ATRNL1: variants seen among roughly 807,000 people sequenced by gnomAD.
ATRNL1 encodes attractin-like protein 1.
ATRNL1 carries 95 observed loss-of-function variants against 182.7 expected under a neutral mutation model. The observed-to-expected ratio is 0.52, with a 90% CI of 0.44 to 0.62. The LOEUF (loss-of-function observed/expected upper bound fraction) is 0.62, where lower values mean the gene tolerates loss of function less well. ATRNL1 is among the 20% of genes least tolerant of loss of function. The probability of loss-of-function intolerance (pLI) is 0.00; values close to 1 mark genes in which losing one functional copy is unlikely to be tolerated. For synonymous variants in ATRNL1, 576 were observed against 568.3 expected, an observed-to-expected ratio of 1.01 and a Z score of -0.19; for missense variants, 1,471 against 1,679.5, an observed-to-expected ratio of 0.88 and a Z score of 2.17.
chr10:115,680,160 GT>G (rs1555044251), intron 26 of ATRNL1, among the ~76,000 whole-genome samples: 3 of 152,134 alleles, frequency 2.0e-5, no homozygotes, highest in Admixed American at 6.6e-5. Flanking sequence ...TTCTGGACTA[GT>G]CTAGATAGGC....
chr10:115,467,045 A>G lies in ATRNL1; in HGVS notation c.3418-129A>G, dbSNP rs1394350842. On this transcript the variant is annotated intron_variant, in intron 22 of 28. Transcript: ENST00000355044. ...AAATGTATAAATGGCATCTACATATATTCAGTTGAATATTTACAAAATCTA... is the reference window on the plus strand; with the variant it reads ...AAATGTATAAATGGCATCTACATATGTTCAGTTGAATATTTACAAAATCTA... 8 of 582,714 alleles carry G rather than the reference A, an allele frequency of 1.4e-5. No homozygotes were observed. The African/African-American group carries it at 1.6e-4, about 11-fold the overall frequency. The allele number at this position is 582,714 out of a possible 1,614,324, so 36.1% of individuals were successfully genotyped here.
intron 24 of ATRNL1, among the ~76,000 whole-genome samples, chr10:115,513,929 AT>A (rs1338283565): frequency 4.6e-5 from 7 of 151,924 alleles, no homozygotes; most frequent in Non-Finnish European, 8.8e-5. Flanking sequence ...CTGAGTCTAC[AT>A]TTACTCTTGA....
Position 115,931,263 on chromosome 10 carries a change from AT to A in ATRNL1, c.4019-13393del, listed in dbSNP as rs200431003. Among the ~76,000 whole-genome samples, 929 of 152,308 alleles carry A rather than the reference AT, an allele frequency of 6.1e-3. 7 individuals carry two copies. The highest frequency in any genetic ancestry group is 0.041 in the Middle Eastern group (12 of 294). On this transcript the variant is annotated intron_variant, in intron 28 of 28. Coordinates refer to ENST00000355044, the MANE Select transcript of ATRNL1 (RefSeq NM_207303.4). ...TAAGTAATTTAATTTAGGATTTCGG[AT>A]TAAGAGACTACGAAACTAAATCTGA...
chr10:115,786,948 T>A (rs146218491), intron 27 of ATRNL1, among the ~76,000 whole-genome samples: 1 of 152,322 alleles, frequency 6.6e-6, no homozygotes, highest in East Asian at 1.9e-4. Flanking sequence ...AGTAAAACAT[T>A]GTTTTTAAGT....
chr10:115,495,967 A>G (rs1481475154), intron 24 of ATRNL1, among the ~76,000 whole-genome samples: 9 of 152,204 alleles, frequency 5.9e-5, no homozygotes, highest in Admixed American at 1.3e-4. Context: ...ATCTGTTTAT[A>G]TGTCTCTAAG....
chr10:115,286,199 A>AT lies in ATRNL1; in HGVS notation c.2234-9dup, dbSNP rs782066227. 1.0e-4 allele frequency: 142 copies of AT among 1,372,596 alleles called. 1 individual carries two copies. Among genetic ancestry groups the AT allele is most frequent in the Non-Finnish European group, 1.2e-4 (118 of 982,480 alleles). 85.0% of individuals were successfully genotyped at this position (1,372,596 alleles called of 1,614,324 possible). On this transcript the variant is annotated splice_polypyrimidine_tract_variant and intron_variant, in intron 14 of 28. Coordinates refer to ENST00000355044, the MANE Select transcript of ATRNL1 (RefSeq NM_207303.4). Reference sequence around the variant, plus strand: ...TTTTGGTAATCTAACAATAAGACACATTTTTTTTCTTACTAGCTCATCTTT... The same window carrying AT: ...TTTTGGTAATCTAACAATAAGACACATTTTTTTTTCTTACTAGCTCATCTTT...
intron 26 of ATRNL1, among the ~76,000 whole-genome samples, chr10:115,663,669 A>AT (rs1188791760): frequency 4.9e-4 from 74 of 152,160 alleles, no homozygotes; most frequent in African/African-American, 1.8e-3. Context: ...AATGAGTTCA[A>AT]TGTAGTCATA....
At chr10:115,820,208 A>G (rs1298472628) in intron 27 of ATRNL1, 3 of 152,122 alleles carry the variant, frequency 2.0e-5, no homozygotes, top group Admixed American at 6.6e-5. Context: ...TTGGAACATG[A>G]TATTCATTTT....
intron 28 of ATRNL1, among the ~76,000 whole-genome samples, chr10:115,873,779 T>G (rs185377605): frequency 3.9e-5 from 6 of 152,352 alleles, no homozygotes; most frequent in East Asian, 1.9e-4. Context: ...CAAAGACCAA[T>G]GAGACTGAGA....
At chr10:115,537,344 T>C (rs1263021275) in intron 25 of ATRNL1, among the ~76,000 whole-genome samples, 1 of 152,182 alleles carries the variant, frequency 6.6e-6, no homozygotes, top group Non-Finnish European at 1.5e-5. Context: ...CTTAACATGC[T>C]TTAAATTGAA....
chr10:115,297,727 TTA>T (rs1324052096), intron 15 of ATRNL1, among the ~76,000 whole-genome samples: 1 of 151,902 alleles, frequency 6.6e-6, no homozygotes, highest in Non-Finnish European at 1.5e-5. Flanking sequence ...TATGCAGAGC[TTA>T]TTATTGGCAG....
intron 6 of ATRNL1, among the ~76,000 whole-genome samples, chr10:115,163,283 T>G (rs1490820124): frequency 6.6e-6 from 1 of 151,948 alleles, no homozygotes; most frequent in Non-Finnish European, 1.5e-5. Context: ...TTAGCGTTTT[T>G]AGTTTTTGCT....
intron 28 of ATRNL1, among the ~76,000 whole-genome samples, chr10:115,880,620 T>C (rs1213292423): frequency 2.0e-5 from 3 of 152,042 alleles, no homozygotes; most frequent in Non-Finnish European, 4.4e-5. Context: ...TGAGACTCCA[T>C]CTCAAAGACA....
At chr10:115,361,366 C>T (rs78962749) in intron 19 of ATRNL1, among the ~76,000 whole-genome samples, 3,900 of 151,904 alleles carry the variant, frequency 0.026, 159 homozygotes, top group African/African-American at 0.086. Context: ...CTTATAGTTT[C>T]GGCATTTATC....
At chr10:115,350,334 C>CAAAGAA (rs1856177293) in intron 19 of ATRNL1, among the ~76,000 whole-genome samples, 1 of 29,734 alleles carries the variant, frequency 3.4e-5, no homozygotes, top group African/African-American at 1.8e-4. Flanking sequence ...GACTCTGTCT[C>CAAAGAA]AAAAAAAAAA....
In ATRNL1 at chr10:115,944,893, G is replaced by A; in HGVS notation, c.*114G>A. 9 of 1,244,260 alleles carry A rather than the reference G, an allele frequency of 7.2e-6. No individual in the cohort carries two copies. Among genetic ancestry groups the A allele is most frequent in the Non-Finnish European group, 8.5e-6 (8 of 944,258 alleles). 77.1% of individuals were successfully genotyped at this position (1,244,260 alleles called of 1,614,324 possible). Reference sequence around the variant, plus strand: ...GATCTCTGTATCATCCAGAGCCTGAGTACAGTTTCCTTCCAAATGGACAAT... The same window carrying A: ...GATCTCTGTATCATCCAGAGCCTGAATACAGTTTCCTTCCAAATGGACAAT... On this transcript the variant is annotated 3_prime_UTR_variant, in exon 29 of 29. Transcript: ENST00000355044.
chr10:115,294,709 T>C (rs1316350436), intron 15 of ATRNL1, among the ~76,000 whole-genome samples: 2 of 152,176 alleles, frequency 1.3e-5, no homozygotes, highest in Non-Finnish European at 1.5e-5. Flanking sequence ...ATGGAGTAGG[T>C]TTTGTATGGA....
At chr10:115,816,697 C>A (rs1161509821) in intron 27 of ATRNL1, among the ~76,000 whole-genome samples, 1 of 152,164 alleles carries the variant, frequency 6.6e-6, no homozygotes, top group South Asian at 2.1e-4. Context: ...CGCACTTTAA[C>A]TATTTTCCTA....
intron 10 of ATRNL1, among the ~76,000 whole-genome samples, chr10:115,254,043 C>T (rs1199054029): frequency 6.6e-6 from 1 of 152,152 alleles, no homozygotes; most frequent in African/African-American, 2.4e-5. Context: ...CATTGATGGA[C>T]ATATGGGTTG....
Sources: allele counts gnomAD v4.1 joint callset (sites outside exome capture counted in the v4.1 genomes callset), GRCh38; gene constraint gnomAD v4.1.1; transcripts MANE v1.5; gene names NCBI Gene and HGNC (gene_info 2026-07-23, HGNC 2026-07-21).